ARHGEF26: variants seen among roughly 807,000 people sequenced by gnomAD.
The protein encoded by ARHGEF26 is Rho guanine nucleotide exchange factor 26, also known as Rho guanine nucleotide exchange factor (GEF) 26.
In ARHGEF26, 59 loss-of-function variants were observed where a neutral mutation model predicts 89.4. The observed-to-expected ratio is 0.66, with a 90% CI of 0.54 to 0.82. ARHGEF26 has a LOEUF of 0.82. Ranked by LOEUF, ARHGEF26 falls within the 40% of genes least tolerant of loss-of-function variation. The probability of loss-of-function intolerance (pLI) is 0.00; values close to 1 mark genes in which losing one functional copy is unlikely to be tolerated. For missense variants in ARHGEF26, 1,234 were observed against 1,085.6 expected (o/e 1.14, Z -1.92); for synonymous variants, 500 against 428.4 (o/e 1.17, Z -2.06).
At chr3:154,222,020 C>A (rs1458950210) in intron 10 of ARHGEF26, among the ~76,000 whole-genome samples, 4 of 152,168 alleles carry the variant, frequency 2.6e-5, no homozygotes, top group Non-Finnish European at 4.4e-5. Context: ...ATTTAATTCT[C>A]ACATGAACCC....
chr3:154,213,501 T>A (rs1715526752), intron 9 of ARHGEF26, among the ~76,000 whole-genome samples: 1 of 152,196 alleles, frequency 6.6e-6, no homozygotes, highest in African/African-American at 2.4e-5. Context: ...TGGTCTGACT[T>A]CTGAAGCACC....
chr3:154,125,780 A>AT (rs909350077), intron 3 of ARHGEF26, among the ~76,000 whole-genome samples: 31 of 151,910 alleles, frequency 2.0e-4, no homozygotes, highest in African/African-American at 7.5e-4. Context: ...TGACCTAGAA[A>AT]TTTTTTTCAT....
intron 12 of ARHGEF26, among the ~76,000 whole-genome samples, chr3:154,247,100 A>G (rs762815589): frequency 9.9e-5 from 15 of 152,058 alleles, no homozygotes; most frequent in Non-Finnish European, 1.8e-4. Context: ...TTGACCATCC[A>G]GCTCTTTCAT....
intron 6 of ARHGEF26, among the ~76,000 whole-genome samples, chr3:154,170,754 A>G (rs1712379601): frequency 6.6e-6 from 1 of 152,228 alleles, no homozygotes; most frequent in Non-Finnish European, 1.5e-5. Context: ...TGCTTTTTAA[A>G]TGATTAGAGT....
At chr3:154,205,575 G>T (rs1247280983) in intron 9 of ARHGEF26, among the ~76,000 whole-genome samples, 1 of 151,960 alleles carries the variant, frequency 6.6e-6, no homozygotes, top group Non-Finnish European at 1.5e-5. Flanking sequence ...TTGTTTTGTG[G>T]TCTTCTATTC....
intron 9 of ARHGEF26, among the ~76,000 whole-genome samples, chr3:154,216,182 C>T (rs1576790248): frequency 6.6e-6 from 1 of 151,830 alleles, no homozygotes; most frequent in African/African-American, 2.4e-5. Flanking sequence ...TTAAAATTTC[C>T]AGTCCTTTTA....
intron 6 of ARHGEF26, among the ~76,000 whole-genome samples, chr3:154,162,101 G>A (rs961936790): frequency 2.6e-5 from 4 of 152,228 alleles, no homozygotes; most frequent in Admixed American, 1.3e-4. Context: ...AGAATTTTGT[G>A]GAAAAAGAAA....
At chr3:154,193,215 G>A (rs143871048) in intron 8 of ARHGEF26, among the ~76,000 whole-genome samples, 103 of 152,200 alleles carry the variant, frequency 6.8e-4, no homozygotes, top group African/African-American at 2.3e-3. Flanking sequence ...ACCCATTAGT[G>A]GGCCATAAAA....
Position 154,255,814 on chromosome 3 carries a change from C to G in ARHGEF26, c.*341C>G, listed in dbSNP as rs1001543715. ...ATATTATATCCTGGTTTTCTCTATC[C>G]TTGCATTACTAAGGTGACTGTCTCT... On this transcript the variant is annotated 3_prime_UTR_variant, in exon 15 of 15. Transcript: ENST00000465093. 3.5e-5 allele frequency: 37 copies of G among 1,061,274 alleles called. No homozygotes were observed. In the African/African-American group the frequency reaches 6.2e-4, roughly 18 times the overall value. The allele number at this position is 1,061,274 out of a possible 1,614,324, so 65.7% of individuals were successfully genotyped here.
Position 154,152,940 on chromosome 3 carries a change from C to A in ARHGEF26, c.1487+8C>A. 1 of 1,558,246 alleles carries A rather than the reference C, an allele frequency of 6.4e-7. No homozygotes were observed. Among genetic ancestry groups the A allele is most frequent in the Non-Finnish European group, 8.7e-7 (1 of 1,153,642 alleles). ...CTGTGAGGCAAGCAAAAAGTAAGTG[C>A]ACTGCAGTCTGCCTTTGGTCGTGCC... On this transcript the variant is annotated splice_region_variant and intron_variant, in intron 6 of 14. Coordinates refer to ENST00000465093, the MANE Select transcript of ARHGEF26 (RefSeq NM_015595.4).
chr3:154,150,336 T>C (rs1719949137), intron 5 of ARHGEF26, among the ~76,000 whole-genome samples: 1 of 152,148 alleles, frequency 6.6e-6, no homozygotes, highest in Non-Finnish European at 1.5e-5. Flanking sequence ...GCCTGCATTC[T>C]CTTCCTCAGT....
chr3:154,130,071 G>A, intron 4 of ARHGEF26, among the ~76,000 whole-genome samples: 1 of 151,050 alleles, frequency 6.6e-6, no homozygotes, highest in East Asian at 2.0e-4. Flanking sequence ...ATGTATGCGT[G>A]TATATGTACA....
intron 11 of ARHGEF26, among the ~76,000 whole-genome samples, chr3:154,230,834 C>T (rs969858116): frequency 2.6e-5 from 4 of 151,908 alleles, no homozygotes; most frequent in African/African-American, 9.7e-5. Flanking sequence ...TCTGTAATAG[C>T]AAACTACTAG....
intron 4 of ARHGEF26, among the ~76,000 whole-genome samples, chr3:154,134,797 T>C (rs1445817679): frequency 6.6e-6 from 1 of 152,086 alleles, no homozygotes; most frequent in Non-Finnish European, 1.5e-5. Context: ...TGAATCAATG[T>C]TGAATTTTAT....
intron 6 of ARHGEF26, among the ~76,000 whole-genome samples, chr3:154,157,288 T>C (rs978185591): frequency 1.3e-5 from 2 of 152,140 alleles, no homozygotes; most frequent in African/African-American, 2.4e-5. Flanking sequence ...CCCATGGTAG[T>C]TGGCGAACAC....
chr3:154,137,753 G>A (rs1416504538), intron 4 of ARHGEF26, among the ~76,000 whole-genome samples: 2 of 150,854 alleles, frequency 1.3e-5, no homozygotes, highest in African/African-American at 4.9e-5. Context: ...GAGGCAGGAG[G>A]ATCTCTTGAG....
chr3:154,140,138 G>T (rs1719269554), intron 4 of ARHGEF26, among the ~76,000 whole-genome samples: 1 of 152,188 alleles, frequency 6.6e-6, no homozygotes, highest in Non-Finnish European at 1.5e-5. Context: ...CTGAGTTGCA[G>T]GATAGCTGTT....
chr3:154,145,218 C>T (rs1033973465), intron 4 of ARHGEF26, among the ~76,000 whole-genome samples: 3 of 152,210 alleles, frequency 2.0e-5, no homozygotes, highest in South Asian at 2.1e-4. Context: ...TACTCTCAAA[C>T]TGCTGCTGTT....
intron 11 of ARHGEF26, among the ~76,000 whole-genome samples, chr3:154,240,151 C>T (rs1717401383): frequency 6.6e-6 from 1 of 152,108 alleles, no homozygotes; most frequent in Non-Finnish European, 1.5e-5. Context: ...TAGTGTGTTA[C>T]ATCCATAAAA....
Sources: allele counts gnomAD v4.1 joint callset (sites outside exome capture counted in the v4.1 genomes callset), GRCh38; gene constraint gnomAD v4.1.1; transcripts MANE v1.5; gene names NCBI Gene and HGNC (gene_info 2026-07-23, HGNC 2026-07-21).